The following ROBO2 variants were observed in gnomAD, a reference collection of about 807,000 sequenced individuals.
The protein encoded by ROBO2 is roundabout guidance receptor 2.
In ROBO2, 53 loss-of-function variants were observed where a neutral mutation model predicts 160.8. That is an observed-to-expected ratio of 0.33 (90% CI 0.26 to 0.41). The LOEUF is 0.41. Among genes scored for constraint, ROBO2 ranks in the 10% least tolerant of loss-of-function variants. ROBO2 has a pLI of 1.00. For missense variants in ROBO2, 1,577 were observed against 1,722.4 expected (o/e 0.92, Z 1.49); for synonymous variants, 664 against 611.7 (o/e 1.09, Z -1.26).
chr3:77,293,644 G>A (rs1411698952), intron 2 of ROBO2, among the ~76,000 whole-genome samples: 2 of 142,238 alleles, frequency 1.4e-5, no homozygotes, highest in African/African-American at 5.6e-5. Context: ...GTAAGCTGAG[G>A]CTAGATCACC....
chr3:76,696,381 C>CT (rs35396854), intron 2 of ROBO2, among the ~76,000 whole-genome samples: 4,652 of 135,966 alleles, frequency 0.034, 113 homozygotes, highest in Non-Finnish European at 0.046. Context: ...AAATGGATCT[C>CT]TTTTTTTTTT....
At chr3:76,411,605 C>T (rs931624325) in intron 2 of ROBO2, among the ~76,000 whole-genome samples, 1 of 151,670 alleles carries the variant, frequency 6.6e-6, no homozygotes, top group Admixed American at 6.6e-5. Flanking sequence ...CATTTTTTTT[C>T]CACCACACCA....
At chr3:76,991,588 G>T (rs983454194) in intron 2 of ROBO2, among the ~76,000 whole-genome samples, 3 of 152,074 alleles carry the variant, frequency 2.0e-5, no homozygotes, top group Non-Finnish European at 2.9e-5. Flanking sequence ...AAGTTTTGAG[G>T]ACTTTCATTA....
intron 2 of ROBO2, among the ~76,000 whole-genome samples, chr3:76,116,278 A>G (rs1302011542): frequency 6.6e-6 from 1 of 152,140 alleles, no homozygotes; most frequent in Non-Finnish European, 1.5e-5. Context: ...TGCAAGCACT[A>G]TGTGCATGTT....
At chr3:75,925,555 T>C (rs538132828) in intron 1 of ROBO2, among the ~76,000 whole-genome samples, 1 of 152,314 alleles carries the variant, frequency 6.6e-6, no homozygotes, top group East Asian at 1.9e-4. Flanking sequence ...AATTTTAGCC[T>C]GAGAGTGCTA....
chr3:76,049,403 A>ATATTTTTTTTTTT (rs1414664360), intron 2 of ROBO2, among the ~76,000 whole-genome samples: 8 of 53,760 alleles, frequency 1.5e-4, no homozygotes, highest in African/African-American at 8.7e-4. Context: ...ATATATATAT[A>ATATTTTTTTTTTT]TTTTTTTTTT....
chr3:77,553,800 A>G (rs991980179), intron 8 of ROBO2, among the ~76,000 whole-genome samples: 6 of 151,950 alleles, frequency 3.9e-5, no homozygotes. Flanking sequence ...TGAAGCTACC[A>G]GGGGTTGGTT....
chr3:77,077,485 C>T (rs2068134384), intron 1 of ROBO2, among the ~76,000 whole-genome samples: 1 of 152,142 alleles, frequency 6.6e-6, no homozygotes, highest in Non-Finnish European at 1.5e-5. Context: ...TTATTGTATA[C>T]AAGTGACCGG....
rs1375403249 is a variant in ROBO2 at position 77,198,157 on chromosome 3, C to T, written c.388+99817C>T. Among the ~76,000 whole-genome samples, 5 of 152,124 alleles carry T rather than the reference C, an allele frequency of 3.3e-5. No homozygotes were observed. In the East Asian group the frequency reaches 9.6e-4, roughly 29 times the overall value. ...GGCACAGTTTTTCAAATTTTGATAA[C>T]CCATAAGCATAAAGAAATTGCATGA... On this transcript the variant is annotated intron_variant, in intron 2 of 25. Transcript: ENST00000461745.
chr3:77,557,243 A>C (rs2153658112), intron 8 of ROBO2, among the ~76,000 whole-genome samples: 1 of 152,106 alleles, frequency 6.6e-6, no homozygotes, highest in East Asian at 1.9e-4. Context: ...ACATGTAAAC[A>C]CTGATTTTGC....
chr3:77,381,763 A>G (rs1179042121), intron 2 of ROBO2, among the ~76,000 whole-genome samples: 1 of 152,206 alleles, frequency 6.6e-6, no homozygotes, highest in Non-Finnish European at 1.5e-5. Context: ...ATATATCCAC[A>G]TATGTGAGCA....
At chr3:76,625,534 A>T (rs928832519) in intron 2 of ROBO2, among the ~76,000 whole-genome samples, 4 of 152,132 alleles carry the variant, frequency 2.6e-5, no homozygotes, top group Non-Finnish European at 4.4e-5. Context: ...GGAAAAAAAA[A>T]ATATCAAAAA....
At chr3:76,780,568 G>C (rs1220904531) in intron 2 of ROBO2, among the ~76,000 whole-genome samples, 1 of 150,686 alleles carries the variant, frequency 6.6e-6, no homozygotes, top group African/African-American at 2.4e-5. Flanking sequence ...AGTTTCAGAT[G>C]TTATATTTTG....
At chr3:76,240,832 C>G (rs62268378) in intron 2 of ROBO2, among the ~76,000 whole-genome samples, 16,439 of 152,144 alleles carry the variant, frequency 0.11, 1,243 homozygotes, top group East Asian at 0.22. Context: ...TTGGGCTGCA[C>G]TCATAGAGAC....
chr3:77,094,470 A>G (rs1188048033), intron 1 of ROBO2, among the ~76,000 whole-genome samples: 1 of 152,210 alleles, frequency 6.6e-6, no homozygotes, highest in East Asian at 1.9e-4. Flanking sequence ...TTTTTTGACT[A>G]TTGTGAATAA....
chr3:76,160,291 A>G (rs2072569570), intron 2 of ROBO2, among the ~76,000 whole-genome samples: 1 of 152,130 alleles, frequency 6.6e-6, no homozygotes, highest in Admixed American at 6.6e-5. Flanking sequence ...TAAAATATCC[A>G]TTGAAAGCTC....
intron 2 of ROBO2, among the ~76,000 whole-genome samples, chr3:76,933,121 T>C (rs1281881738): frequency 6.6e-6 from 1 of 152,188 alleles, no homozygotes; most frequent in African/African-American, 2.4e-5. Context: ...AAGAAAGATT[T>C]TGTAGTATTA....
intron 2 of ROBO2, among the ~76,000 whole-genome samples, chr3:76,271,715 G>T (rs1472302391): frequency 2.0e-5 from 3 of 151,446 alleles, no homozygotes; most frequent in Non-Finnish European, 4.4e-5. Context: ...CTGCTTCTCT[G>T]GCTCTTTTTC....
chr3:77,027,746 C>A (rs1051006233), intron 2 of ROBO2, among the ~76,000 whole-genome samples: 2 of 152,122 alleles, frequency 1.3e-5, no homozygotes, highest in Non-Finnish European at 2.9e-5. Flanking sequence ...ACCTGTACTG[C>A]TCTCAGATAC....
Sources: gnomAD v4.1 joint callset for allele counts (sites outside exome capture counted in the v4.1 genomes callset) on GRCh38, gnomAD v4.1.1 for gene constraint, MANE v1.5 for transcripts, NCBI Gene and HGNC (gene_info 2026-07-23, HGNC 2026-07-21) for gene names.